Variants in NCAM2 observed in about 807,000 individuals in gnomAD.
NCAM2 encodes the protein N-CAM-2.
NCAM2 carries 30 observed loss-of-function variants against 98.1 expected under a neutral mutation model. The ratio of observed to expected loss-of-function variants is 0.31; its 90% CI spans 0.23 to 0.41. NCAM2 has a LOEUF of 0.41. Ranked by LOEUF, NCAM2 falls within the 10% of genes least tolerant of loss-of-function variation. The pLI, the probability that NCAM2 is intolerant of heterozygous loss-of-function variation, is 1.00. For missense variants in NCAM2, 867 were observed against 1,005.8 expected, an observed-to-expected ratio of 0.86 and a Z score of 1.87; for synonymous variants, 368 against 342.4, an observed-to-expected ratio of 1.07 and a Z score of -0.83.
chr21:21,528,744 A>G (rs533229226), intron 16 of NCAM2, among the ~76,000 whole-genome samples: 13 of 152,312 alleles, frequency 8.5e-5, no homozygotes, highest in African/African-American at 2.6e-4. Context: ...GGAAATATTT[A>G]TCATTACTCC....
intron 1 of NCAM2, among the ~76,000 whole-genome samples, chr21:21,043,975 G>A (rs1053378195): frequency 1.3e-5 from 2 of 151,842 alleles, no homozygotes; most frequent in African/African-American, 4.8e-5. Flanking sequence ...CCAAATCAAG[G>A]ATATTTGAAA....
At chr21:21,434,646 T>A (rs897989017) in intron 12 of NCAM2, among the ~76,000 whole-genome samples, 1 of 152,186 alleles carries the variant, frequency 6.6e-6, no homozygotes, top group African/African-American at 2.4e-5. Flanking sequence ...TGGCAGACAC[T>A]GTAGATATAT....
intron 1 of NCAM2, among the ~76,000 whole-genome samples, chr21:21,117,212 C>T (rs1369389215): frequency 6.6e-6 from 1 of 152,102 alleles, no homozygotes; most frequent in East Asian, 1.9e-4. Flanking sequence ...CAACATTTCC[C>T]TACCTCCCTC....
chr21:21,197,765 T>C (rs1601621346), intron 1 of NCAM2, among the ~76,000 whole-genome samples: 1 of 152,296 alleles, frequency 6.6e-6, no homozygotes. Flanking sequence ...TAGAGATGAC[T>C]GGGATCATAA....
intron 1 of NCAM2, among the ~76,000 whole-genome samples, chr21:21,120,614 A>T (rs2066651450): frequency 6.6e-6 from 1 of 152,152 alleles, no homozygotes; most frequent in Non-Finnish European, 1.5e-5. Context: ...GTTTTCAAGA[A>T]TGAGGATGAG....
intron 10 of NCAM2, among the ~76,000 whole-genome samples, chr21:21,414,573 C>T (rs2076951388): frequency 6.6e-6 from 1 of 151,772 alleles, no homozygotes; most frequent in African/African-American, 2.4e-5. Context: ...GGGTTCACAC[C>T]ATTCTCCTGC....
chr21:21,397,216 C>T (rs1423086295), intron 9 of NCAM2, among the ~76,000 whole-genome samples: 4 of 152,108 alleles, frequency 2.6e-5, no homozygotes, highest in Non-Finnish European at 4.4e-5. Flanking sequence ...GGAAAAAGCA[C>T]CAGAAGTTAT....
chr21:21,338,214 TC>T (rs1242592206), intron 7 of NCAM2, among the ~76,000 whole-genome samples, 174 bp from the exon 8 acceptor site: 8 of 152,210 alleles, frequency 5.3e-5, no homozygotes, highest in Admixed American at 1.3e-4. Context: ...AAATTTTTTT[TC>T]CTGTGCTATT....
At chr21:21,425,178 G>C (rs2145989629) in intron 11 of NCAM2, among the ~76,000 whole-genome samples, 1 of 150,910 alleles carries the variant, frequency 6.6e-6, no homozygotes, top group South Asian at 2.1e-4. Context: ...TGGTGTTCTA[G>C]AGACAGATTT....
At chr21:21,055,211 T>C (rs1224774663) in intron 1 of NCAM2, among the ~76,000 whole-genome samples, 1 of 151,890 alleles carries the variant, frequency 6.6e-6, no homozygotes, top group Non-Finnish European at 1.5e-5. Context: ...ATAATAATAA[T>C]AATAAAACCA....
chr21:21,060,182 T>C (rs1440432848), intron 1 of NCAM2, among the ~76,000 whole-genome samples: 2 of 152,116 alleles, frequency 1.3e-5, no homozygotes, highest in Non-Finnish European at 2.9e-5. Flanking sequence ...GGATTTATTA[T>C]GCATAATGCC....
At chr21:21,002,474 G>T (rs1292620753) in intron 1 of NCAM2, among the ~76,000 whole-genome samples, 1 of 152,170 alleles carries the variant, frequency 6.6e-6, no homozygotes, top group Non-Finnish European at 1.5e-5. Flanking sequence ...GAGCTACAGA[G>T]ATTGAGGCTA....
At chr21:21,080,088 C>T (rs1221709514) in intron 1 of NCAM2, among the ~76,000 whole-genome samples, 1 of 151,888 alleles carries the variant, frequency 6.6e-6, no homozygotes, top group East Asian at 1.9e-4. Flanking sequence ...ATGAGCTTCC[C>T]AAACAAAACA....
At chr21:21,289,515 G>A (rs1011281205) in intron 4 of NCAM2, among the ~76,000 whole-genome samples, 2 of 151,906 alleles carry the variant, frequency 1.3e-5, no homozygotes, top group Non-Finnish European at 2.9e-5. Context: ...GCAAACGTCG[G>A]TGCGGAATTT....
chr21:21,257,473 C>T (rs984114941), intron 1 of NCAM2, among the ~76,000 whole-genome samples: 6 of 152,130 alleles, frequency 3.9e-5, no homozygotes, highest in Non-Finnish European at 7.4e-5. Context: ...CAGTAAGAAC[C>T]CAAACAATTT....
intron 5 of NCAM2, among the ~76,000 whole-genome samples, chr21:21,303,068 C>A (rs2073772013): frequency 6.6e-6 from 1 of 151,860 alleles, no homozygotes; most frequent in African/African-American, 2.4e-5. Flanking sequence ...TGAACCTCCG[C>A]ATGGGAACCA....
rs149892323 is a variant in NCAM2 at position 21,212,785 on chromosome 21, C to T, written c.56-67793C>T. ...TGAAGTGGAGTCTTGCTCTGTCGCC[C>T]AGGCTGGAGTGCAGTGGCATGATCT... is the stretch of plus-strand genomic sequence containing the variant. On this transcript the variant is annotated intron_variant, in intron 1 of 17. Transcript: ENST00000400546. 3.2e-3 allele frequency among the ~76,000 whole-genome samples: 487 copies of T among 150,700 alleles called. 2 individuals carry two copies. The highest frequency in any genetic ancestry group is 0.011 in the African/African-American group (460 of 40,978).
At chr21:21,524,531 A>C (rs1037164291) in intron 16 of NCAM2, among the ~76,000 whole-genome samples, 20 of 151,110 alleles carry the variant, frequency 1.3e-4, no homozygotes, top group Non-Finnish European at 2.4e-4. Context: ...ACTCTGTAAC[A>C]AAAAAAAAGG....
At chr21:21,241,533 A>T (rs2071065527) in intron 1 of NCAM2, among the ~76,000 whole-genome samples, 1 of 152,184 alleles carries the variant, frequency 6.6e-6, no homozygotes, top group Non-Finnish European at 1.5e-5. Context: ...GCTGTAGCCC[A>T]GATTTATTCA....
Sources: allele counts gnomAD v4.1 joint callset (sites outside exome capture counted in the v4.1 genomes callset), GRCh38; gene constraint gnomAD v4.1.1; transcripts MANE v1.5; gene names NCBI Gene and HGNC (gene_info 2026-07-23, HGNC 2026-07-21).